The following CDYL2 variants were observed in gnomAD, a reference collection of about 807,000 sequenced individuals.
The protein encoded by CDYL2 is chromodomain Y-like protein 2.
Under a neutral mutation model 49.4 loss-of-function variants are expected in CDYL2, and 23 were observed. The observed-to-expected ratio is 0.47, with a 90% CI of 0.34 to 0.66. The LOEUF (loss-of-function observed/expected upper bound fraction) is 0.66. CDYL2 is among the 30% of genes least tolerant of loss of function. The probability of loss-of-function intolerance (pLI) is 0.01; values close to 1 mark genes in which losing one functional copy is unlikely to be tolerated. For missense variants in CDYL2, 678 were observed against 656.4 expected, an observed-to-expected ratio of 1.03 and a Z score of -0.36; for synonymous variants, 360 against 268.8, an observed-to-expected ratio of 1.34 and a Z score of -3.32.
chr16:80,661,873 G>A (rs1456710800), intron 2 of CDYL2, among the ~76,000 whole-genome samples: 2 of 152,158 alleles, frequency 1.3e-5, no homozygotes, highest in African/African-American at 2.4e-5. Context: ...ATTCACCTGT[G>A]TGTCTGCAAC....
chr16:80,782,018 C>A (rs1404116827), intron 1 of CDYL2, among the ~76,000 whole-genome samples: 2 of 151,358 alleles, frequency 1.3e-5, no homozygotes, highest in African/African-American at 4.8e-5. Flanking sequence ...AAACCAAAAG[C>A]TTGTAGAAAG....
chr16:80,764,526 T>C (rs886099993), intron 1 of CDYL2, among the ~76,000 whole-genome samples: 14 of 152,102 alleles, frequency 9.2e-5, no homozygotes, highest in African/African-American at 3.4e-4. Context: ...TCATTATCAA[T>C]ACTAAAATCT....
intron 4 of CDYL2, among the ~76,000 whole-genome samples, chr16:80,615,735 G>C (rs912924243): frequency 6.6e-6 from 1 of 152,136 alleles, no homozygotes; most frequent in African/African-American, 2.4e-5. Flanking sequence ...GGGACGCAAG[G>C]GAAAGGGGAC....
At chr16:80,642,853 G>C (rs1340559267) in intron 2 of CDYL2, among the ~76,000 whole-genome samples, 1 of 152,144 alleles carries the variant, frequency 6.6e-6, no homozygotes, top group Non-Finnish European at 1.5e-5. Context: ...AATTATGGGA[G>C]TACAATTCAA....
intron 2 of CDYL2, among the ~76,000 whole-genome samples, chr16:80,673,564 A>G (rs1396373803): frequency 6.6e-6 from 1 of 152,230 alleles, no homozygotes; most frequent in African/African-American, 2.4e-5. Flanking sequence ...CTTAAATGAA[A>G]TAATTTTAAT....
At chr16:80,680,338 T>G (rs998554463) in intron 2 of CDYL2, among the ~76,000 whole-genome samples, 1 of 152,184 alleles carries the variant, frequency 6.6e-6, no homozygotes, top group Admixed American at 6.5e-5. Flanking sequence ...AATGTGGACA[T>G]GGGGCCACAA....
chr16:80,676,505 G>C (rs1909749438), intron 2 of CDYL2, among the ~76,000 whole-genome samples: 2 of 152,186 alleles, frequency 1.3e-5, no homozygotes, highest in Non-Finnish European at 2.9e-5. Flanking sequence ...TCCTGAACCA[G>C]TTTCCCTGGG....
At chr16:80,698,195 G>A (rs1416760759) in intron 1 of CDYL2, among the ~76,000 whole-genome samples, 1 of 152,088 alleles carries the variant, frequency 6.6e-6, no homozygotes, top group South Asian at 2.1e-4. Context: ...CATAAAAATA[G>A]ACACAAGATT....
chr16:80,741,154 T>G (rs1255481609), intron 1 of CDYL2, among the ~76,000 whole-genome samples: 1 of 149,744 alleles, frequency 6.7e-6, no homozygotes, highest in East Asian at 1.9e-4. Flanking sequence ...GAAACATATA[T>G]ATACATAATA....
chr16:80,633,707 G>A (rs1166572542), intron 2 of CDYL2, among the ~76,000 whole-genome samples: 2 of 150,132 alleles, frequency 1.3e-5, no homozygotes, highest in South Asian at 4.3e-4. Flanking sequence ...CCAGAGATGG[G>A]GCTCTGGGAC....
At chr16:80,738,604 G>C (rs1000960944) in intron 1 of CDYL2, 4 of 152,212 alleles carry the variant, frequency 2.6e-5, no homozygotes, top group African/African-American at 9.7e-5. Flanking sequence ...CCAGGGCTAA[G>C]GTGGGGACAC....
At chr16:80,634,000 AC>A (rs1567549245) in intron 2 of CDYL2, among the ~76,000 whole-genome samples, 1 of 151,394 alleles carries the variant, frequency 6.6e-6, no homozygotes, top group Non-Finnish European at 1.5e-5. Flanking sequence ...CCAAGCCAAC[AC>A]CCCCAAACCT....
intron 5 of CDYL2, among the ~76,000 whole-genome samples, chr16:80,609,800 G>A (rs76199155): frequency 0.015 from 2,256 of 152,262 alleles, 58 homozygotes; most frequent in African/African-American, 0.05. Context: ...TAAGGATTCA[G>A]AGAGAAAGGG....
rs1484001235 is a variant in CDYL2, at chr16:80,689,659, G to A, written c.25-4530C>T. ...AACAAGAGGAACGGATACTGAGGAAGGAAACGGCTTCACGGAAGTGACGCA... is the reference window on the plus strand; with the variant it reads ...AACAAGAGGAACGGATACTGAGGAAAGAAACGGCTTCACGGAAGTGACGCA... On this transcript the variant is annotated intron_variant, in intron 1 of 6. Transcript: ENST00000570137. 3.3e-5 allele frequency among the ~76,000 whole-genome samples: 5 copies of A among 152,202 alleles called. No homozygotes were observed. The East Asian group carries it at 7.7e-4, about 23-fold the overall frequency.
rs557233221 is a variant in CDYL2, at chr16:80,684,563, G to A, written c.591C>T (p.His197=). 18 of 1,613,954 alleles carry A rather than the reference G, an allele frequency of 1.1e-5. No individual in the cohort carries two copies. Among genetic ancestry groups the A allele is most frequent in the Admixed American group, 6.7e-5 (4 of 60,006 alleles). Residue 197 remains histidine, a synonymous_variant, in exon 2 of 7, where the codon CAC becomes CAT. Transcript: ENST00000570137. ...CGAGCCCGTTCTCCGCCAGTGTAGC[G>A]TGATTCACGTCACATTCACCCATAT... ...EQDMGECDVN[H]ATLAENGLGS...
intron 2 of CDYL2, among the ~76,000 whole-genome samples, chr16:80,673,962 T>G (rs939442883): frequency 6.6e-6 from 1 of 152,148 alleles, no homozygotes; most frequent in African/African-American, 2.4e-5. Context: ...ACGTGCAGCC[T>G]CTGGAAGCTG....
chr16:80,759,580 T>A (rs568549228), intron 1 of CDYL2, among the ~76,000 whole-genome samples: 112 of 152,326 alleles, frequency 7.4e-4, no homozygotes, highest in African/African-American at 2.6e-3. Context: ...AGTGCATCGA[T>A]CAAATTGTTC....
chr16:80,800,342 C>G (rs1907888572), intron 1 of CDYL2, among the ~76,000 whole-genome samples: 1 of 152,182 alleles, frequency 6.6e-6, no homozygotes, highest in African/African-American at 2.4e-5. Context: ...CCTGTGCAAT[C>G]CACAGAGACA....
chr16:80,627,572 T>C (rs1302599931), intron 3 of CDYL2: 3 of 152,256 alleles, frequency 2.0e-5, no homozygotes, highest in African/African-American at 7.2e-5. Flanking sequence ...CTAATTCAAT[T>C]TGGACAGATG....
Sources: allele counts gnomAD v4.1 joint callset (sites outside exome capture counted in the v4.1 genomes callset), GRCh38; gene constraint gnomAD v4.1.1; transcripts MANE v1.5; gene names NCBI Gene and HGNC (gene_info 2026-07-23, HGNC 2026-07-21).